The following TRAP1 variants were observed in gnomAD, a reference collection of about 807,000 sequenced individuals.
The protein encoded by TRAP1 is TNF receptor associated protein 1.
In TRAP1, 102 loss-of-function variants were observed where a neutral mutation model predicts 89.1. The ratio of observed to expected loss-of-function variants is 1.15; its 90% CI spans 0.98 to 1.35. The LOEUF (loss-of-function observed/expected upper bound fraction) is 1.35, where lower values mean the gene tolerates loss of function less well. Among genes scored for constraint, TRAP1 ranks in the 40% most tolerant of loss-of-function variants. TRAP1 has a pLI of 0.00. For synonymous variants in TRAP1, 508 were observed against 388.0 expected (o/e 1.31, Z -3.64); for missense variants, 1,256 against 945.3 (o/e 1.33, Z -4.31).
At chr16:3,661,852 C>T in intron 16 of TRAP1, 135 bp downstream of exon 16, 2 of 1,201,524 alleles carry the variant, frequency 1.7e-6, no homozygotes, top group Non-Finnish European at 1.1e-6. Flanking sequence ...AAACTGCATA[C>T]AGCTCCTTAT....
intron 1 of TRAP1, among the ~76,000 whole-genome samples, chr16:3,700,239 C>T (rs1014268137): frequency 4.0e-5 from 6 of 151,708 alleles, no homozygotes; most frequent in Admixed American, 2.0e-4. Flanking sequence ...GCGATCTCAG[C>T]TCACCCCATC....
At chr16:3,688,180 T>TA (rs2051163748) in intron 3 of TRAP1, among the ~76,000 whole-genome samples, 2 of 151,934 alleles carry the variant, frequency 1.3e-5, no homozygotes, top group South Asian at 4.1e-4. Flanking sequence ...GGGTTTTTTT[T>TA]AATAGAGATG....
chr16:3,675,264 C>A, intron 8 of TRAP1, 60 bp downstream of exon 8: 1 of 1,554,986 alleles, frequency 6.4e-7, no homozygotes, highest in South Asian at 1.1e-5. Context: ...TCTCCGCTGC[C>A]CTGAAACGTA....
rs1227782224 is a variant in TRAP1 at position 3,661,654 on chromosome 16, A to C, written c.1940+333T>G. On this transcript the variant is annotated intron_variant, in intron 16 of 17. Coordinates refer to ENST00000246957, the MANE Select transcript of TRAP1 (RefSeq NM_016292.3). ...TGCCAAGTGAGCAACGTGAGACTTC[A>C]GCAAACACCAAGATCCACGTACAAA... 3 of 270,830 alleles carry C rather than the reference A, an allele frequency of 1.1e-5. No homozygotes were observed. In the Admixed American group the frequency reaches 1.6e-4, roughly 14 times the overall value. 16.8% of individuals were successfully genotyped at this position (270,830 alleles called of 1,614,324 possible).
chr16:3,660,454 C>G (rs774846947), intron 16 of TRAP1: 1 of 152,186 alleles, frequency 6.6e-6, no homozygotes, highest in African/African-American at 2.4e-5. Context: ...GCCTAGGTGA[C>G]AGAGCAAGAC....
At position 3,662,962 on chromosome 16, in the gene TRAP1, C is replaced by CGGCGGCTGCGGAAGAGCA; in HGVS notation, c.1709-13_1713dup (p.Ala571_Glu572insCysSerSerAlaAlaAla). The CGGCGGCTGCGGAAGAGCA allele has an allele frequency of 6.2e-7, 1 of 1,608,904 alleles. No homozygotes were observed. The highest frequency in any genetic ancestry group is 8.5e-7 in the Non-Finnish European group (1 of 1,179,624). ...TCCGTCTCCTTCTCTGATAGGCACT[C>CGGCGGCTGCGGAAGAGCA]GGCGGCTGCGGAAGAGCAGGCGACA... On this transcript the variant is annotated inframe_insertion, in exon 15 of 18. Transcript: ENST00000246957.
In TRAP1 at chr16:3,709,104, C is replaced by T. The variant is rs930827900; in HGVS notation, c.88+8317G>A. ...TGCTGGGATTACAGGCGTGAGCCAC[C>T]GTGCCTGGCCCGACACTGTCTCAAT... On this transcript the variant is annotated intron_variant, in intron 1 of 17. Coordinates refer to ENST00000246957, the MANE Select transcript of TRAP1 (RefSeq NM_016292.3). Among the ~76,000 whole-genome samples the T allele has an allele frequency of 2.6e-5, 4 of 151,386 alleles. No individual in the cohort carries two copies. The East Asian group carries it at 6.0e-4, about 23-fold the overall frequency.
chr16:3,665,695 C>A (rs1001036591), intron 12 of TRAP1, among the ~76,000 whole-genome samples: 7 of 152,192 alleles, frequency 4.6e-5, no homozygotes, highest in African/African-American at 1.7e-4. Flanking sequence ...GTGTGCACGC[C>A]CTCTTCCTGC....
At chr16:3,687,957 G>A (rs1203373802) in intron 3 of TRAP1, among the ~76,000 whole-genome samples, 1 of 152,034 alleles carries the variant, frequency 6.6e-6, no homozygotes, top group Non-Finnish European at 1.5e-5. Context: ...GCTGATCTGG[G>A]CGGAAGCTGG....
intron 10 of TRAP1, 125 bp downstream of exon 10, chr16:3,672,575 C>T (rs1280371218): frequency 7.1e-6 from 10 of 1,413,884 alleles, no homozygotes; most frequent in African/African-American, 2.9e-5. Context: ...ACACAGGCAG[C>T]GCAGGCCGAC....
In TRAP1 at chr16:3,663,464, C is replaced by T. The variant is rs1435632495; in HGVS notation, c.1668G>A (p.Val556=). Reference sequence around the variant, plus strand: ...CAAACTTCTCCTCCTTGTAGTGATCCACGACTATGTCCGTCTCCACAGAGA... The same window carrying T: ...CAAACTTCTCCTCCTTGTAGTGATCTACGACTATGTCCGTCTCCACAGAGA... The part of the protein sequence containing the change: ...KLISVETDIV[V]DHYKEEKFED... Residue 556 remains valine, a synonymous_variant, in exon 14 of 18, where the codon GTG becomes GTA. Transcript: ENST00000246957. 1.2e-6 allele frequency: 2 copies of T among 1,614,168 alleles called. No individual in the cohort carries two copies. The highest frequency in any genetic ancestry group is 1.1e-5 in the South Asian group (1 of 91,090).
chr16:3,673,720 AG>A (rs1352823516), intron 9 of TRAP1, among the ~76,000 whole-genome samples: 4 of 152,354 alleles, frequency 2.6e-5, no homozygotes, highest in African/African-American at 9.6e-5. Flanking sequence ...GTTTCCAGGC[AG>A]CCAAGGACAG....
intron 1 of TRAP1, among the ~76,000 whole-genome samples, chr16:3,707,923 G>A (rs1356964468): frequency 1.3e-5 from 2 of 151,790 alleles, no homozygotes; most frequent in African/African-American, 4.8e-5. Flanking sequence ...GACGGCTCCT[G>A]CGTGTAATCC....
At chr16:3,715,739 GCA>G (rs2051590073) in intron 1 of TRAP1, among the ~76,000 whole-genome samples, 1 of 152,110 alleles carries the variant, frequency 6.6e-6, no homozygotes, top group Non-Finnish European at 1.5e-5. Flanking sequence ...TTGAGGTCAG[GCA>G]CTGGAGACCA....
intron 1 of TRAP1, among the ~76,000 whole-genome samples, chr16:3,693,482 C>T (rs2051244479): frequency 6.6e-6 from 1 of 152,216 alleles, no homozygotes; most frequent in African/African-American, 2.4e-5. Context: ...AACCAGGGTG[C>T]TGAAGTCTCT....
At chr16:3,716,566 G>A (rs561069393) in intron 1 of TRAP1, among the ~76,000 whole-genome samples, 1 of 152,342 alleles carries the variant, frequency 6.6e-6, no homozygotes, top group South Asian at 2.1e-4. Flanking sequence ...TGGAAAGAAT[G>A]CTGGGAGCGT....
At position 3,658,136 on chromosome 16, in the gene TRAP1, C is replaced by G. The variant is rs111987725; in HGVS notation, c.2108G>C (p.Arg703Pro). ...LNELLVKALE[R>P]H ...CTTCTGGCCCCCTGGCTGTCAGTGTCGCTCCAGGGCCTTGACAAGCAGCTC... is the reference window on the plus strand; with the variant it reads ...CTTCTGGCCCCCTGGCTGTCAGTGTGGCTCCAGGGCCTTGACAAGCAGCTC... The change falls in exon 18 of 18, where the codon CGA (arginine) becomes CCA (proline). Residue 703 changes from arginine (R) to proline (P), a missense_variant. Transcript: ENST00000246957. 2.5e-6 allele frequency: 4 copies of G among 1,613,980 alleles called. No homozygotes were observed. In the South Asian group the frequency reaches 3.3e-5, roughly 13 times the overall value.
Position 3,690,979 on chromosome 16 carries a change from G to T in TRAP1, c.95C>A (p.Pro32Gln), listed in dbSNP as rs756676011. ...TGTGGTCCTCCGAGGACACAGAATTGGTTTTCCTGAAAAGACAAATATGCA... is the reference window on the plus strand; with the variant it reads ...TGTGGTCCTCCGAGGACACAGAATTTGTTTTCCTGAAAAGACAAATATGCA... Reference protein sequence around the residue: ...PALAAVPGGKPILCPRRTTAQ... With the variant: ...PALAAVPGGKQILCPRRTTAQ... The change falls in exon 2 of 18, where the codon CCA becomes CAA. Residue 32 changes from proline (P) to glutamine (Q), a missense_variant. Transcript: ENST00000246957. 2.7e-6 allele frequency: 4 copies of T among 1,504,002 alleles called. No homozygotes were observed. Among genetic ancestry groups the T allele is most frequent in the Non-Finnish European group, 3.6e-6 (4 of 1,126,222 alleles). 93.2% of individuals were successfully genotyped at this position (1,504,002 alleles called of 1,614,324 possible). A position where few individuals can be genotyped will look rare whatever the true frequency, so the allele number is the denominator to read the frequency against.
At chr16:3,658,925 C>A (rs2042894529) in intron 16 of TRAP1, 60 bp from the exon 17 acceptor site, 1 of 1,561,036 alleles carries the variant, frequency 6.4e-7, no homozygotes, top group African/African-American at 1.4e-5. Context: ...ACCCTCCCTT[C>A]ATGTTTTGGG....
Sources: gnomAD v4.1 joint callset for allele counts (sites outside exome capture counted in the v4.1 genomes callset) on GRCh38, gnomAD v4.1.1 for gene constraint, MANE v1.5 for transcripts, NCBI Gene and HGNC (gene_info 2026-07-23, HGNC 2026-07-21) for gene names.